Variants in TMEM178B observed in about 807,000 individuals in gnomAD.
The protein encoded by TMEM178B is transmembrane protein 178B.
TMEM178B carries 5 observed loss-of-function variants against 31.0 expected under a neutral mutation model. The observed-to-expected ratio is 0.16, with a 90% CI of 0.08 to 0.34. The LOEUF (loss-of-function observed/expected upper bound fraction) is 0.34, where lower values mean the gene tolerates loss of function less well. TMEM178B is among the 10% of genes least tolerant of loss of function. TMEM178B has a pLI of 1.00. For synonymous variants in TMEM178B, 164 were observed against 164.0 expected (o/e 1.00, Z 0.00); for missense variants, 275 against 400.3 (o/e 0.69, Z 2.67).
chr7:141,405,286 C>G (rs1257383884), intron 2 of TMEM178B, among the ~76,000 whole-genome samples: 1 of 152,264 alleles, frequency 6.6e-6, no homozygotes, highest in Non-Finnish European at 1.5e-5. Context: ...AGCCAGCCAC[C>G]TGGCATCTAT....
chr7:141,409,499 G>A (rs534578191), intron 2 of TMEM178B, among the ~76,000 whole-genome samples: 14 of 152,280 alleles, frequency 9.2e-5, no homozygotes, highest in Admixed American at 2.0e-4. Context: ...GATTACGTGG[G>A]ATAGTATAAG....
intron 2 of TMEM178B, among the ~76,000 whole-genome samples, chr7:141,386,299 C>T (rs1303263810): frequency 3.3e-5 from 5 of 152,174 alleles, no homozygotes; most frequent in African/African-American, 7.2e-5. Context: ...TGTTTGGGGA[C>T]CTTGCAGAAA....
intron 2 of TMEM178B, among the ~76,000 whole-genome samples, chr7:141,229,739 A>G (rs1318013650): frequency 6.6e-6 from 1 of 152,072 alleles, no homozygotes; most frequent in Non-Finnish European, 1.5e-5. Context: ...CCTGGGCAAC[A>G]TAGTGAGACC....
intron 2 of TMEM178B, among the ~76,000 whole-genome samples, chr7:141,310,625 A>G (rs897867457): frequency 5.9e-5 from 9 of 152,050 alleles, no homozygotes; most frequent in African/African-American, 1.7e-4. Context: ...CCTTCCTGGA[A>G]CGGTGATTAT....
At chr7:141,175,440 T>A (rs937779694) in intron 1 of TMEM178B, among the ~76,000 whole-genome samples, 1 of 152,218 alleles carries the variant, frequency 6.6e-6, no homozygotes, top group East Asian at 1.9e-4. Context: ...GTCTTGGCTA[T>A]GCATGCCCTT....
chr7:141,258,176 A>G (rs1797958390), intron 2 of TMEM178B, among the ~76,000 whole-genome samples: 1 of 150,964 alleles, frequency 6.6e-6, no homozygotes, highest in Non-Finnish European at 1.5e-5. Context: ...ATATATATAT[A>G]TATATATGCA....
intron 3 of TMEM178B, among the ~76,000 whole-genome samples, chr7:141,438,648 C>T (rs1363475515): frequency 7.6e-6 from 1 of 132,022 alleles, no homozygotes. Flanking sequence ...ATCATGAGGT[C>T]AGGAGTTCGA....
intron 2 of TMEM178B, among the ~76,000 whole-genome samples, chr7:141,287,094 C>T (rs552631268): frequency 1.3e-5 from 2 of 152,092 alleles, no homozygotes; most frequent in South Asian, 4.2e-4. Flanking sequence ...TGTTTTTTCG[C>T]CCTCCTTCCA....
chr7:141,341,184 G>A (rs1025392486), intron 2 of TMEM178B, among the ~76,000 whole-genome samples: 8 of 152,146 alleles, frequency 5.3e-5, no homozygotes, highest in African/African-American at 1.4e-4. Flanking sequence ...ACTGCTTGCC[G>A]GTTGTTGTTT....
intron 1 of TMEM178B, among the ~76,000 whole-genome samples, chr7:141,122,186 C>A (rs1486193819): frequency 6.6e-6 from 1 of 151,782 alleles, no homozygotes; most frequent in African/African-American, 2.4e-5. Flanking sequence ...AAGACTTTTG[C>A]TGGATAAGCA....
At chr7:141,088,033 C>G (rs1794816149) in intron 1 of TMEM178B, among the ~76,000 whole-genome samples, 1 of 152,070 alleles carries the variant, frequency 6.6e-6, no homozygotes, top group Non-Finnish European at 1.5e-5. Flanking sequence ...CAGCCCTGGA[C>G]AGGCCTGGGC....
At chr7:141,464,194 C>A (rs887052450) in intron 3 of TMEM178B, among the ~76,000 whole-genome samples, 7 of 152,128 alleles carry the variant, frequency 4.6e-5, no homozygotes, top group African/African-American at 1.4e-4. Context: ...CCTTTGGGGA[C>A]CCCTTTCTGT....
chr7:141,289,034 C>T (rs1172004702), intron 2 of TMEM178B, among the ~76,000 whole-genome samples: 1 of 152,148 alleles, frequency 6.6e-6, no homozygotes, highest in Non-Finnish European at 1.5e-5. Flanking sequence ...GCTGGTCTGA[C>T]CCCCAGGATC....
At chr7:141,390,609 T>C (rs1485719475) in intron 2 of TMEM178B, among the ~76,000 whole-genome samples, 1 of 152,206 alleles carries the variant, frequency 6.6e-6, no homozygotes, top group African/African-American at 2.4e-5. Flanking sequence ...CCTTTGCGTT[T>C]TCAAAGCCAG....
At chr7:141,249,882 A>T (rs963989922) in intron 2 of TMEM178B, among the ~76,000 whole-genome samples, 10 of 152,228 alleles carry the variant, frequency 6.6e-5, no homozygotes, top group African/African-American at 9.7e-5. Context: ...TTTATCTAAT[A>T]TCATTCTAAT....
At chr7:141,246,207 A>G (rs771312596) in intron 2 of TMEM178B, among the ~76,000 whole-genome samples, 7 of 152,200 alleles carry the variant, frequency 4.6e-5, no homozygotes, top group Non-Finnish European at 7.4e-5. Context: ...TTTTTTGTTG[A>G]TAGTTCATCT....
chr7:141,427,315 C>G (rs549916337), intron 2 of TMEM178B, among the ~76,000 whole-genome samples: 2 of 152,108 alleles, frequency 1.3e-5, no homozygotes, highest in Non-Finnish European at 2.9e-5. Context: ...TCAAAATATA[C>G]TGCAAAACTA....
At chr7:141,509,164 G>T in the TMEM178B span, among the ~76,000 whole-genome samples, 2 of 152,136 alleles carry the variant, frequency 1.3e-5, no homozygotes, top group Non-Finnish European at 2.9e-5. Context: ...GAGAGAGGGA[G>T]AACTTATCTG....
intron 1 of TMEM178B, among the ~76,000 whole-genome samples, chr7:141,096,756 C>G (rs1440209249): frequency 6.6e-6 from 1 of 152,136 alleles, no homozygotes; most frequent in South Asian, 2.1e-4. Context: ...TTAATCAAAC[C>G]CAAAAGGGGA....
Sources: allele counts gnomAD v4.1 joint callset (sites outside exome capture counted in the v4.1 genomes callset), GRCh38; gene constraint gnomAD v4.1.1; transcripts MANE v1.5; gene names NCBI Gene and HGNC (gene_info 2026-07-23, HGNC 2026-07-21).